The following ZDHHC14 variants were observed in gnomAD, a reference collection of about 807,000 sequenced individuals.
ZDHHC14 encodes the protein palmitoyltransferase ZDHHC14.
A neutral mutation model predicts 47.7 loss-of-function variants in ZDHHC14; 16 were observed. The observed-to-expected ratio is 0.34, with a 90% confidence interval of 0.23 to 0.51. The LOEUF (loss-of-function observed/expected upper bound fraction) is 0.51, where lower values mean the gene tolerates loss of function less well. ZDHHC14 is among the 20% of genes least tolerant of loss of function. The pLI is 0.97. For synonymous variants in ZDHHC14, 293 were observed against 278.9 expected (o/e 1.05, Z -0.50); for missense variants, 515 against 662.5 (o/e 0.78, Z 2.44).
intron 8 of ZDHHC14, among the ~76,000 whole-genome samples, chr6:157,668,265 C>T (rs1026980405): frequency 1.3e-5 from 2 of 152,180 alleles, no homozygotes; most frequent in East Asian, 3.8e-4. Flanking sequence ...CTTAGATAGA[C>T]AGTCATCTTT....
chr6:157,645,377 G>A (rs143315879), intron 5 of ZDHHC14, among the ~76,000 whole-genome samples: 2 of 152,266 alleles, frequency 1.3e-5, no homozygotes, highest in African/African-American at 4.8e-5. Context: ...ACTCAAACCA[G>A]TGTGCTTCCT....
In ZDHHC14 at chr6:157,653,516, C is replaced by A. The variant is rs1387327358; in HGVS notation, c.966-9C>A. The A allele has an allele frequency of 2.9e-5, 47 of 1,613,298 alleles. No individual in the cohort carries two copies. The highest frequency in any genetic ancestry group is 4.0e-5 in the Non-Finnish European group (47 of 1,179,782). ...CTCTCTTCCTGCTGTGTTTTCTTTT[C>A]TCTCGCAGCCTGATCGACAGAAGAG... On this transcript the variant is annotated splice_polypyrimidine_tract_variant and intron_variant, in intron 7 of 8. Coordinates refer to ENST00000359775, the MANE Select transcript of ZDHHC14 (RefSeq NM_024630.3).
At chr6:157,573,844 C>G (rs565244231) in intron 2 of ZDHHC14, among the ~76,000 whole-genome samples, 1 of 152,230 alleles carries the variant, frequency 6.6e-6, no homozygotes, top group Admixed American at 6.5e-5. Flanking sequence ...TGCCAGGGTC[C>G]ACCCTCCCAC....
chr6:157,483,915 A>G (rs1779692675), intron 1 of ZDHHC14, among the ~76,000 whole-genome samples: 1 of 152,180 alleles, frequency 6.6e-6, no homozygotes, highest in Non-Finnish European at 1.5e-5. Context: ...TCAGGGGTAG[A>G]CTAGATAAAG....
chr6:157,668,030 G>A (rs1014394471), intron 8 of ZDHHC14, among the ~76,000 whole-genome samples: 15 of 152,270 alleles, frequency 9.9e-5, no homozygotes, highest in South Asian at 4.1e-4. Context: ...CCTGGTCCCC[G>A]TGTGCCCCAA....
intron 1 of ZDHHC14, among the ~76,000 whole-genome samples, chr6:157,485,724 T>C (rs1480533737): frequency 2.0e-5 from 3 of 151,952 alleles, no homozygotes; most frequent in Non-Finnish European, 4.4e-5. Flanking sequence ...AAAGAATGCT[T>C]CTAAGGCCGG....
At chr6:157,452,690 A>ATTTTTTTTT (rs747862336) in intron 1 of ZDHHC14, among the ~76,000 whole-genome samples, 21 of 72,960 alleles carry the variant, frequency 2.9e-4, no homozygotes, top group Non-Finnish European at 4.1e-4. Flanking sequence ...ATACATGGGG[A>ATTTTTTTTT]TTTTTTTTTT....
intron 7 of ZDHHC14, among the ~76,000 whole-genome samples, chr6:157,651,603 C>G (rs1056268211): frequency 1.3e-5 from 2 of 151,488 alleles, no homozygotes; most frequent in African/African-American, 4.9e-5. Context: ...GAGTCTCACT[C>G]TGTTGCCCAG....
At chr6:157,553,041 G>T (rs113151333) in intron 2 of ZDHHC14, among the ~76,000 whole-genome samples, 8,821 of 152,224 alleles carry the variant, frequency 0.058, 876 homozygotes, top group African/African-American at 0.2. Context: ...GAGGCATTGG[G>T]CTCCGCTCCA....
At chr6:157,642,857 A>G (rs2114976080) in intron 5 of ZDHHC14, among the ~76,000 whole-genome samples, 1 of 152,274 alleles carries the variant, frequency 6.6e-6, no homozygotes, top group Admixed American at 6.5e-5. Context: ...TGAGTCTGAG[A>G]GTGGATGTGA....
At chr6:157,394,541 T>C (rs1342223632) in intron 1 of ZDHHC14, among the ~76,000 whole-genome samples, 1 of 152,170 alleles carries the variant, frequency 6.6e-6, no homozygotes, top group African/African-American at 2.4e-5. Context: ...TTAGACCACA[T>C]AGCAATAGAG....
At chr6:157,672,035 T>C (rs1038484787) in intron 8 of ZDHHC14, among the ~76,000 whole-genome samples, 2 of 152,180 alleles carry the variant, frequency 1.3e-5, no homozygotes, top group Admixed American at 1.3e-4. Context: ...GCCACCATTC[T>C]TCCTTCTCTC....
At chr6:157,442,808 G>T (rs1778587724) in intron 1 of ZDHHC14, among the ~76,000 whole-genome samples, 1 of 152,220 alleles carries the variant, frequency 6.6e-6, no homozygotes, top group South Asian at 2.1e-4. Flanking sequence ...GGCAGCCTCT[G>T]CCACTTGCAG....
chr6:157,539,538 G>A (rs1433095861), intron 1 of ZDHHC14, among the ~76,000 whole-genome samples: 1 of 152,216 alleles, frequency 6.6e-6, no homozygotes, highest in Admixed American at 6.5e-5. Context: ...CCCTGAGTGG[G>A]AGGAAGCTGG....
intron 3 of ZDHHC14, among the ~76,000 whole-genome samples, chr6:157,620,189 A>G (rs1050725859): frequency 2.0e-5 from 3 of 152,188 alleles, no homozygotes; most frequent in African/African-American, 7.2e-5. Flanking sequence ...AGATCGAGGG[A>G]ATGCATCTGA....
intron 3 of ZDHHC14, among the ~76,000 whole-genome samples, chr6:157,604,828 G>A (rs1168602501): frequency 3.3e-5 from 5 of 152,214 alleles, no homozygotes; most frequent in Admixed American, 3.3e-4. Context: ...ACAGGTGTGA[G>A]CCACCATGCC....
intron 1 of ZDHHC14, among the ~76,000 whole-genome samples, chr6:157,529,560 G>A (rs1781291106): frequency 6.6e-6 from 1 of 152,162 alleles, no homozygotes; most frequent in East Asian, 1.9e-4. Context: ...TCACTAAGGC[G>A]TTACTACCAG....
At chr6:157,424,805 T>C (rs1778183385) in intron 1 of ZDHHC14, among the ~76,000 whole-genome samples, 1 of 152,112 alleles carries the variant, frequency 6.6e-6, no homozygotes, top group Non-Finnish European at 1.5e-5. Context: ...AATTTCTCCA[T>C]AGAAATATCT....
chr6:157,646,853 T>C (rs546676775), intron 6 of ZDHHC14, among the ~76,000 whole-genome samples: 2 of 152,290 alleles, frequency 1.3e-5, no homozygotes, highest in East Asian at 1.9e-4. Flanking sequence ...TATTAGAATA[T>C]GCAAAACAGA....
Sources: allele counts gnomAD v4.1 joint callset (sites outside exome capture counted in the v4.1 genomes callset), GRCh38; gene constraint gnomAD v4.1.1; transcripts MANE v1.5; gene names NCBI Gene and HGNC (gene_info 2026-07-23, HGNC 2026-07-21).